The following LHFPL6 variants were observed in gnomAD, a reference collection of about 807,000 sequenced individuals.
The protein encoded by LHFPL6 is LHFPL tetraspan subfamily member 6 protein.
LHFPL6 carries 9 observed loss-of-function variants against 20.6 expected under a neutral mutation model. The ratio of observed to expected loss-of-function variants is 0.44; its 90% CI spans 0.26 to 0.76. LHFPL6 has a LOEUF of 0.76. Among genes scored for constraint, LHFPL6 ranks in the 30% least tolerant of loss-of-function variants. LHFPL6 has a pLI of 0.20. For missense variants in LHFPL6, 218 were observed against 253.5 expected (o/e 0.86, Z 0.95); for synonymous variants, 105 against 98.7 (o/e 1.06, Z -0.38).
chr13:39,356,042 G>T (rs1242630925), intron 3 of LHFPL6, among the ~76,000 whole-genome samples: 2 of 152,188 alleles, frequency 1.3e-5, no homozygotes, highest in Non-Finnish European at 2.9e-5. Flanking sequence ...TGACCTAACA[G>T]ACACCTGCAG....
intron 2 of LHFPL6, among the ~76,000 whole-genome samples, chr13:39,572,162 G>A (rs949223054): frequency 1.3e-5 from 2 of 152,136 alleles, no homozygotes; most frequent in Non-Finnish European, 2.9e-5. Context: ...AACGTAGTAA[G>A]CTTTCATAAA....
At position 39,383,381 on chromosome 13, in the gene LHFPL6, T is replaced by C. The variant is rs1228097614; in HGVS notation, c.386-4855A>G. ...CTGGACTGCCCCATGCAGTAGCCAA[T>C]AGCCACAGGTAGCCCTTTAAGTTTA... On this transcript the variant is annotated intron_variant, in intron 2 of 3. Transcript: ENST00000379589. Among the ~76,000 whole-genome samples, 45 of 152,220 alleles carry C rather than the reference T, an allele frequency of 3.0e-4. 1 individual carries two copies. The highest frequency in any genetic ancestry group is 2.9e-3 in the Admixed American group (45 of 15,288).
intron 2 of LHFPL6, among the ~76,000 whole-genome samples, chr13:39,438,990 G>C (rs541794650): frequency 6.6e-6 from 1 of 152,274 alleles, no homozygotes; most frequent in Non-Finnish European, 1.5e-5. Flanking sequence ...CCCCACTGGG[G>C]CACTGCCTAG....
intron 2 of LHFPL6, among the ~76,000 whole-genome samples, chr13:39,594,282 C>G (rs1438335806): frequency 1.3e-5 from 2 of 152,162 alleles, no homozygotes; most frequent in South Asian, 2.1e-4. Flanking sequence ...AAAAACCACA[C>G]AACCCCATCA....
In LHFPL6 at chr13:39,501,955, G is replaced by A. The variant is rs1012404770; in HGVS notation, c.385+98877C>T. On this transcript the variant is annotated intron_variant, in intron 2 of 3. Coordinates refer to ENST00000379589, the MANE Select transcript of LHFPL6 (RefSeq NM_005780.3). ...GATTTCACCAGGCCACATGACTCTCGCAGGACAGTGAGCCAAGGGCCCAGG... is the reference window on the plus strand; with the variant it reads ...GATTTCACCAGGCCACATGACTCTCACAGGACAGTGAGCCAAGGGCCCAGG... Among the ~76,000 whole-genome samples the A allele has an allele frequency of 6.6e-5, 10 of 152,298 alleles. 1 individual carries two copies. The South Asian group carries it at 1.2e-3, about 19-fold the overall frequency.
intron 2 of LHFPL6, among the ~76,000 whole-genome samples, chr13:39,530,703 A>T (rs1001313048): frequency 6.6e-6 from 1 of 151,958 alleles, no homozygotes; most frequent in Admixed American, 6.6e-5. Context: ...TGTCTTTTAC[A>T]TTATCACTTT....
intron 2 of LHFPL6, among the ~76,000 whole-genome samples, chr13:39,508,400 C>T (rs1869568298): frequency 6.6e-6 from 1 of 152,136 alleles, no homozygotes; most frequent in Non-Finnish European, 1.5e-5. Context: ...AATGGCAAAA[C>T]CATCACCACA....
At chr13:39,390,634 C>A (rs117174832) in intron 2 of LHFPL6, among the ~76,000 whole-genome samples, 1 of 152,202 alleles carries the variant, frequency 6.6e-6, no homozygotes, top group Non-Finnish European at 1.5e-5. Flanking sequence ...TTCCCCACTA[C>A]GCCATATAAC....
intron 2 of LHFPL6, among the ~76,000 whole-genome samples, chr13:39,525,093 C>T (rs1057355704): frequency 1.3e-5 from 2 of 152,146 alleles, no homozygotes; most frequent in Admixed American, 6.6e-5. Flanking sequence ...GATAAATGCT[C>T]AGGGCGTTTG....
chr13:39,372,370 A>T (rs376003512), intron 3 of LHFPL6, among the ~76,000 whole-genome samples: 1 of 98,196 alleles, frequency 1.0e-5, no homozygotes. Context: ...TTTCTATACA[A>T]CTAAGGACGA....
At chr13:39,399,820 G>C (rs1364697499) in intron 2 of LHFPL6, among the ~76,000 whole-genome samples, 1 of 152,204 alleles carries the variant, frequency 6.6e-6, no homozygotes, top group Non-Finnish European at 1.5e-5. Flanking sequence ...TAGGCCAGGT[G>C]CAGTGGCTCA....
At chr13:39,437,964 A>C (rs1458818241) in intron 2 of LHFPL6, among the ~76,000 whole-genome samples, 2 of 152,206 alleles carry the variant, frequency 1.3e-5, no homozygotes, top group Non-Finnish European at 2.9e-5. Context: ...CACTGCTATA[A>C]AGATACCTAA....
chr13:39,437,176 C>G (rs968234545), intron 2 of LHFPL6, among the ~76,000 whole-genome samples: 2 of 152,102 alleles, frequency 1.3e-5, no homozygotes, highest in African/African-American at 4.8e-5. Context: ...CCATTTAATC[C>G]TGCTTTCCTT....
At chr13:39,409,395 A>G (rs1272847862) in intron 2 of LHFPL6, among the ~76,000 whole-genome samples, 2 of 152,174 alleles carry the variant, frequency 1.3e-5, no homozygotes, top group Admixed American at 6.5e-5. Context: ...TGGAGGTTGC[A>G]GTGAGCTGGG....
At chr13:39,500,520 T>G (rs1869256528) in intron 2 of LHFPL6, among the ~76,000 whole-genome samples, 2 of 152,138 alleles carry the variant, frequency 1.3e-5, no homozygotes, top group South Asian at 4.1e-4. Flanking sequence ...CTCCCAAAGT[T>G]CTGGCATTAT....
intron 3 of LHFPL6, among the ~76,000 whole-genome samples, chr13:39,355,156 C>T (rs1459783786): frequency 6.6e-6 from 1 of 150,994 alleles, no homozygotes; most frequent in African/African-American, 2.4e-5. Flanking sequence ...AGGGTCAGGT[C>T]ACTTACAAAG....
intron 2 of LHFPL6, among the ~76,000 whole-genome samples, chr13:39,584,533 A>T (rs1872387797): frequency 6.6e-6 from 1 of 151,686 alleles, no homozygotes; most frequent in Admixed American, 6.6e-5. Flanking sequence ...CTCAAAAAAA[A>T]AAAAAAAAAA....
intron 2 of LHFPL6, among the ~76,000 whole-genome samples, chr13:39,550,636 C>T (rs1278231461): frequency 6.6e-6 from 1 of 151,962 alleles, no homozygotes; most frequent in African/African-American, 2.4e-5. Context: ...TTTGAATAAA[C>T]ATAAGAGGTA....
intron 2 of LHFPL6, among the ~76,000 whole-genome samples, chr13:39,413,985 G>A (rs753093106): frequency 4.6e-5 from 7 of 152,110 alleles, no homozygotes; most frequent in African/African-American, 7.2e-5. Flanking sequence ...ATAGTGATGA[G>A]TATAATTAGA....
Sources: gnomAD v4.1 joint callset for allele counts (sites outside exome capture counted in the v4.1 genomes callset) on GRCh38, gnomAD v4.1.1 for gene constraint, MANE v1.5 for transcripts, NCBI Gene and HGNC (gene_info 2026-07-23, HGNC 2026-07-21) for gene names.